Variants in CHST9 observed in about 807,000 individuals in gnomAD.
CHST9 encodes carbohydrate sulfotransferase 9.
CHST9 carries 41 observed loss-of-function variants against 44.4 expected under a neutral mutation model. That is an observed-to-expected ratio of 0.92 (90% confidence interval 0.72 to 1.20). The LOEUF (loss-of-function observed/expected upper bound fraction) is 1.20. Among genes scored for constraint, CHST9 ranks in the 50% most tolerant of loss-of-function variants. CHST9 has a pLI of 0.00. For synonymous variants in CHST9, 171 were observed against 178.4 expected (o/e 0.96, Z 0.33); for missense variants, 504 against 516.5 (o/e 0.98, Z 0.23).
intron 2 of CHST9, among the ~76,000 whole-genome samples, chr18:27,101,063 A>G (rs1302405778): frequency 1.3e-5 from 2 of 152,208 alleles, no homozygotes; most frequent in Non-Finnish European, 2.9e-5. Context: ...GGAAGCTTTG[A>G]GTCTCCAGCC....
chr18:26,966,777 T>G (rs1177832), intron 4 of CHST9, among the ~76,000 whole-genome samples: 97,554 of 151,664 alleles, frequency 0.64, 31,796 homozygotes, highest in African/African-American at 0.73. Flanking sequence ...GGAAAGTTGG[T>G]TATTTTAAGG....
At chr18:26,979,529 G>A (rs2056666019) in intron 4 of CHST9, among the ~76,000 whole-genome samples, 1 of 151,348 alleles carries the variant, frequency 6.6e-6, no homozygotes, top group Non-Finnish European at 1.5e-5. Context: ...TCTTCCTTTG[G>A]TAGCTCCCCA....
chr18:27,182,750 C>T (rs1271673689), intron 1 of CHST9, among the ~76,000 whole-genome samples: 1 of 152,084 alleles, frequency 6.6e-6, no homozygotes, highest in Non-Finnish European at 1.5e-5. Flanking sequence ...TGATTACATC[C>T]CAACTCATCC....
intron 2 of CHST9, among the ~76,000 whole-genome samples, chr18:27,050,017 G>A (rs1020496399): frequency 6.6e-6 from 1 of 152,182 alleles, no homozygotes; most frequent in African/African-American, 2.4e-5. Flanking sequence ...TTAGAAGTAT[G>A]GGGGTTTTCA....
At chr18:27,030,945 C>G (rs913209973) in intron 3 of CHST9, among the ~76,000 whole-genome samples, 2 of 152,134 alleles carry the variant, frequency 1.3e-5, no homozygotes, top group African/African-American at 4.8e-5. Flanking sequence ...ACAAGCTCTT[C>G]ATTATCATGC....
rs539301849 is a variant in CHST9, at chr18:27,121,662, C to T, written c.121+21027G>A. 4.2e-4 allele frequency among the ~76,000 whole-genome samples: 64 copies of T among 152,126 alleles called. No individual in the cohort carries two copies. In the South Asian group the frequency reaches 1.0e-2, roughly 24 times the overall value. ...CCCAGTGGGTATCTTTGATGTCAAA[C>T]GCAGGAATCTGCTGAGGATTGAGGA... On this transcript the variant is annotated intron_variant, in intron 2 of 5. Coordinates refer to ENST00000618847, the MANE Select transcript of CHST9 (RefSeq NM_031422.6).
At chr18:27,027,581 A>T (rs772868476) in intron 3 of CHST9, among the ~76,000 whole-genome samples, 36 of 152,348 alleles carry the variant, frequency 2.4e-4, no homozygotes, top group Non-Finnish European at 4.4e-4. Flanking sequence ...AATAACCACA[A>T]TAACAGCTAA....
chr18:27,060,407 C>T (rs1218024537), intron 2 of CHST9, among the ~76,000 whole-genome samples: 3 of 152,168 alleles, frequency 2.0e-5, no homozygotes, highest in African/African-American at 7.2e-5. Context: ...GTGTGAATTG[C>T]TGACTTCAGA....
intron 4 of CHST9, among the ~76,000 whole-genome samples, chr18:26,988,061 C>CAAAA (rs529570905): frequency 6.7e-6 from 1 of 150,258 alleles, no homozygotes; most frequent in African/African-American, 2.4e-5. Flanking sequence ...AAAGAATGAC[C>CAAAA]AAAAAAAATA....
intron 1 of CHST9, among the ~76,000 whole-genome samples, chr18:27,166,953 A>C (rs573771148): frequency 6.6e-6 from 1 of 152,238 alleles, no homozygotes; most frequent in Admixed American, 6.5e-5. Flanking sequence ...GTGACACAGC[A>C]AAGGAGCTAG....
At chr18:27,084,458 G>GA (rs537497819) in intron 2 of CHST9, among the ~76,000 whole-genome samples, 1 of 143,548 alleles carries the variant, frequency 7.0e-6, no homozygotes, top group Non-Finnish European at 1.5e-5. Flanking sequence ...CACTCGCTGG[G>GA]TTTTTTTTTT....
At chr18:27,150,890 G>A (rs2058654316) in intron 1 of CHST9, among the ~76,000 whole-genome samples, 1 of 152,136 alleles carries the variant, frequency 6.6e-6, no homozygotes, top group African/African-American at 2.4e-5. Flanking sequence ...GTATAAATTG[G>A]CTTAAGGGGT....
chr18:27,173,653 T>C (rs2058848573), intron 1 of CHST9, among the ~76,000 whole-genome samples: 1 of 152,042 alleles, frequency 6.6e-6, no homozygotes, highest in African/African-American at 2.4e-5. Flanking sequence ...TGCTTATATA[T>C]AAATTATGGA....
chr18:27,026,516 A>G (rs1448371588), intron 3 of CHST9, among the ~76,000 whole-genome samples: 1 of 152,184 alleles, frequency 6.6e-6, no homozygotes, highest in Non-Finnish European at 1.5e-5. Context: ...CCTCTCCCAC[A>G]TCTCAATAAT....
chr18:26,985,536 G>A (rs913870560), intron 4 of CHST9, among the ~76,000 whole-genome samples: 1 of 152,160 alleles, frequency 6.6e-6, no homozygotes, highest in Non-Finnish European at 1.5e-5. Flanking sequence ...AACTACAATA[G>A]AGCCCAGAAG....
chr18:26,933,795 A>C (rs1343979702), intron 5 of CHST9: 1 of 153,374 alleles, frequency 6.5e-6, no homozygotes, highest in East Asian at 1.9e-4. Context: ...ACAAGGAAAA[A>C]ATTGGACAGA....
At chr18:27,017,364 C>T (rs553043322) in intron 4 of CHST9, among the ~76,000 whole-genome samples, 1 of 152,052 alleles carries the variant, frequency 6.6e-6, no homozygotes, top group African/African-American at 2.4e-5. Context: ...ATCCAAATGT[C>T]AAAAACAAGA....
intron 2 of CHST9, among the ~76,000 whole-genome samples, chr18:27,095,211 GA>G (rs1555683425): frequency 2.6e-5 from 4 of 152,098 alleles, no homozygotes; most frequent in Non-Finnish European, 5.9e-5. Flanking sequence ...TTGCAGTCAG[GA>G]AACAAGAGCC....
intron 4 of CHST9, among the ~76,000 whole-genome samples, chr18:26,953,137 T>C (rs533296133): frequency 6.6e-5 from 10 of 152,342 alleles, no homozygotes; most frequent in African/African-American, 1.7e-4. Flanking sequence ...TACTATCTAT[T>C]GGATATCTCT....
Sources: allele counts gnomAD v4.1 joint callset (sites outside exome capture counted in the v4.1 genomes callset), GRCh38; gene constraint gnomAD v4.1.1; transcripts MANE v1.5; gene names NCBI Gene and HGNC (gene_info 2026-07-23, HGNC 2026-07-21).